The following PTCD1 variants were observed in gnomAD, a reference collection of about 807,000 sequenced individuals.
The protein encoded by PTCD1 is pentatricopeptide repeat domain 1.
A neutral mutation model predicts 53.4 loss-of-function variants in PTCD1; 50 were observed. The observed-to-expected ratio is 0.94, with a 90% CI of 0.75 to 1.19. PTCD1 has a LOEUF of 1.19. Ranked by LOEUF, PTCD1 falls within the 50% of genes most tolerant of loss-of-function variation. PTCD1 has a pLI of 0.00. For missense variants in PTCD1, 918 were observed against 904.8 expected, an observed-to-expected ratio of 1.01 and a Z score of -0.19; for synonymous variants, 413 against 394.8, an observed-to-expected ratio of 1.05 and a Z score of -0.55.
At chr7:99,421,444 A>AG (rs969073946) in intron 7 of PTCD1, among the ~76,000 whole-genome samples, 15 of 151,180 alleles carry the variant, frequency 9.9e-5, no homozygotes, top group African/African-American at 3.7e-4. Context: ...AAAAAAAAAA[A>AG]AAAGAAAAAA....
Position 99,419,896 on chromosome 7 carries a change from C to A in PTCD1, c.*71G>T. Reference sequence around the variant, plus strand: ...GGCTCTTCCCCCAGGCAGGAGGTGACACCAGCTCACTTGTCCTGGGGCTCC... The same window carrying A: ...GGCTCTTCCCCCAGGCAGGAGGTGAAACCAGCTCACTTGTCCTGGGGCTCC... On this transcript the variant is annotated 3_prime_UTR_variant, in exon 8 of 8. Transcript: ENST00000292478. 1 of 1,608,974 alleles carries A rather than the reference C, an allele frequency of 6.2e-7. No individual in the cohort carries two copies. Among genetic ancestry groups the A allele is most frequent in the South Asian group, 1.1e-5 (1 of 90,810 alleles).
At position 99,429,655 on chromosome 7, in the gene PTCD1, G is replaced by C; in HGVS notation, c.746C>G (p.Thr249Arg). 2.5e-6 allele frequency: 4 copies of C among 1,614,224 alleles called. No homozygotes were observed. Among genetic ancestry groups the C allele is most frequent in the African/African-American group, 2.7e-5 (2 of 75,056 alleles). The change falls in exon 4 of 8, where the codon ACA becomes AGA. Residue 249 changes from threonine (T) to arginine (R), a missense_variant. Coordinates refer to ENST00000292478, the MANE Select transcript of PTCD1 (RefSeq NM_015545.4). ...AGCCATCTTCAGCAGCGCGTGGTAT[G>C]TTTTCAAGTTGAGCTCGAAGTTTTT... ...QAKNFELNLK[T>R]YHALLKMAAK...
chr7:99,438,716 C>A lies in PTCD1; in HGVS notation c.-51G>T. The A allele has an allele frequency of 7.7e-7, 1 of 1,296,160 alleles. No individual in the cohort carries two copies. The highest frequency in any genetic ancestry group is 1.0e-6 in the Non-Finnish European group (1 of 996,596). 80.3% of individuals were successfully genotyped at this position (1,296,160 alleles called of 1,614,324 possible). On this transcript the variant is annotated 5_prime_UTR_variant, in exon 1 of 8. Coordinates refer to ENST00000292478, the MANE Select transcript of PTCD1 (RefSeq NM_015545.4). ...CTTGAAGTGTCCGGCGCAGTGCACTCCGACGGGGAGCCCTGCCCGGTCCCC... is the reference window on the plus strand; with the variant it reads ...CTTGAAGTGTCCGGCGCAGTGCACTACGACGGGGAGCCCTGCCCGGTCCCC...
At chr7:99,429,293 C>T (rs1796172384) in intron 4 of PTCD1, 89 bp from the exon 5 acceptor site, 5 of 1,514,680 alleles carry the variant, frequency 3.3e-6, no homozygotes, top group Non-Finnish European at 4.6e-6. Context: ...CATTGGGAGG[C>T]CAAGGCAGGA....
chr7:99,434,980 C>G lies in PTCD1; in HGVS notation c.263G>C (p.Ser88Thr). The change falls in exon 2 of 8, where the codon AGT (serine) becomes ACT (threonine). Residue 88 changes from serine to threonine, a missense_variant. Physicochemically the swap from Ser to Thr is moderately conservative, Grantham distance 58. Coordinates refer to ENST00000292478, the MANE Select transcript of PTCD1 (RefSeq NM_015545.4). ...GTATTTGTCAGAGAGGGTCCCAAAACTCTCCTCCTCCTCCTCGTCTTCTTC... is the reference window on the plus strand; with the variant it reads ...GTATTTGTCAGAGAGGGTCCCAAAAGTCTCCTCCTCCTCCTCGTCTTCTTC... The part of the protein sequence containing the change: ...TQEEDEEEEE[S>T]FGTLSDKYSS... 6.2e-7 allele frequency: 1 copy of G among 1,614,238 alleles called. No homozygotes were observed. The highest frequency in any genetic ancestry group is 8.5e-7 in the Non-Finnish European group (1 of 1,180,052).
In PTCD1 at chr7:99,425,581, C is replaced by T. The variant is rs1489654239; in HGVS notation, c.951G>A (p.Pro317=). 8 of 1,610,900 alleles carry T rather than the reference C, an allele frequency of 5.0e-6. No individual in the cohort carries two copies. Among genetic ancestry groups the T allele is most frequent in the Admixed American group, 3.3e-5 (2 of 59,888 alleles). The part of the protein sequence containing the change: ...WRLMLSLGLQ[P]SRDSYNLLLV... The stretch of plus-strand genomic sequence containing the variant: ...ACAGCAGGTTGTAGCTGTCCCGGCT[C>T]GGCTGTAGCCCTAGACTCAGCATCA... The change falls in exon 6 of 8, where the codon CCG becomes CCA. Residue 317 remains proline (P), a synonymous_variant. Transcript: ENST00000292478.
intron 7 of PTCD1, 105 bp from the exon 8 acceptor site, chr7:99,420,254 C>T: frequency 6.6e-7 from 1 of 1,524,190 alleles, no homozygotes; most frequent in East Asian, 2.3e-5. Flanking sequence ...TGCCATTTTC[C>T]CTTCCAGGTG....
Position 99,416,908 on chromosome 7 carries a change from ATGGGCCCT to A in PTCD1, c.*3051_*3058del. On this transcript the variant is annotated 3_prime_UTR_variant, in exon 8 of 8. Coordinates refer to ENST00000292478, the MANE Select transcript of PTCD1 (RefSeq NM_015545.4). ...GCTAATTTTTAAATTTTTTGTGGAG[ATGGGCCCT>A]TGGCCCAGGCTGGTTTCTTAACTCA... 1 of 161,160 alleles carries A rather than the reference ATGGGCCCT, an allele frequency of 6.2e-6. No homozygotes were observed. The highest frequency in any genetic ancestry group is 5.8e-5 in the Admixed American group (1 of 17,106). The allele number at this position is 161,160 out of a possible 1,614,324, so 10.0% of individuals were successfully genotyped here. A position where few individuals can be genotyped will look rare whatever the true frequency, so the allele number is the denominator to read the frequency against.
At chr7:99,424,077 TG>T (rs1360920261) in intron 6 of PTCD1, 120 bp from the exon 7 acceptor site, 14 of 1,387,008 alleles carry the variant, frequency 1.0e-5, no homozygotes, top group Non-Finnish European at 1.3e-5. Flanking sequence ...AAGGCAAACT[TG>T]GCAGCAACAA....
chr7:99,419,660 C>A lies in PTCD1; in HGVS notation c.*307G>T. ...CAGAGCATCGGCCTATGGAACCCGG[C>A]GGGGCGGCCCAGGCCCCAGGGACCA... is the stretch of plus-strand genomic sequence containing the variant. On this transcript the variant is annotated 3_prime_UTR_variant, in exon 8 of 8. Coordinates refer to ENST00000292478, the MANE Select transcript of PTCD1 (RefSeq NM_015545.4). 1 of 723,992 alleles carries A rather than the reference C, an allele frequency of 1.4e-6. No individual in the cohort carries two copies. The highest frequency in any genetic ancestry group is 2.2e-6 in the Non-Finnish European group (1 of 449,250). The allele number at this position is 723,992 out of a possible 1,614,324, so 44.8% of individuals were successfully genotyped here.
In PTCD1 at chr7:99,423,793, G is replaced by A; in HGVS notation, c.1902C>T (p.Tyr634=). The A allele has an allele frequency of 6.2e-7, 1 of 1,614,094 alleles. No homozygotes were observed. The change falls in exon 7 of 8, where the codon TAC becomes TAT. Residue 634 remains tyrosine (Y), a synonymous_variant. Transcript: ENST00000292478. The part of the protein sequence containing the change: ...VIRQLEFAAQ[Y]PPTFDRYQGK... Reference sequence around the variant, plus strand: ...CACACACCCGGTCAAAGGTGGGAGGGTACTGGGCTGCAAACTCCAGCTGGC... The same window carrying A: ...CACACACCCGGTCAAAGGTGGGAGGATACTGGGCTGCAAACTCCAGCTGGC...
Position 99,435,178 on chromosome 7 carries a change from T to C in PTCD1, c.65A>G (p.Gln22Arg), listed in dbSNP as rs140634486. ...CCTGGCTCTACAGGGGTCCAGGTGT[T>C]GCAGGATGAACAGTCCCATGGGGCG... ...RARPMGLFIL[Q>R]HLDPCRARWA... The change falls in exon 2 of 8, where the codon CAA becomes CGA. Residue 22 changes from glutamine (Q) to arginine (R), a missense_variant. Coordinates refer to ENST00000292478, the MANE Select transcript of PTCD1 (RefSeq NM_015545.4). 7.1e-4 allele frequency: 1,143 copies of C among 1,604,954 alleles called. 4 individuals are homozygous for C. The highest frequency in any genetic ancestry group is 1.4e-3 in the Admixed American group (81 of 59,976).
Position 99,417,927 on chromosome 7 carries a change from C to A in PTCD1, c.*2040G>T. On this transcript the variant is annotated 3_prime_UTR_variant, in exon 8 of 8. Coordinates refer to ENST00000292478, the MANE Select transcript of PTCD1 (RefSeq NM_015545.4). ...GGAAGGACAACCAGTGAGTTCCTGT[C>A]CCTTTCAGTCCTCACAGTGATACTT... 7.8e-7 allele frequency: 1 copy of A among 1,275,218 alleles called. No individual in the cohort carries two copies. Among genetic ancestry groups the A allele is most frequent in the South Asian group, 1.5e-5 (1 of 65,302 alleles). The allele number at this position is 1,275,218 out of a possible 1,614,324, so 79.0% of individuals were successfully genotyped here. A position where few individuals can be genotyped will look rare whatever the true frequency, so the allele number is the denominator to read the frequency against.
rs755950828 is a variant in PTCD1, at chr7:99,429,174, C to T, written c.844G>A (p.Glu282Lys). Reference sequence around the variant, plus strand: ...ATGAGCAGGAAACTGAAGGTCTCCTCTGTGACCACGTGCCCTTTGTGGATG... The same window carrying T: ...ATGAGCAGGAAACTGAAGGTCTCCTTTGTGACCACGTGCCCTTTGTGGATG... ...EIIHKGHVVT[E>K]ETFSFLLMGC... is the part of the protein sequence containing the mutation. Residue 282 changes from glutamate (E) to lysine (K), a missense_variant, in exon 5 of 8, where the codon GAG (glutamate) becomes AAG (lysine). By Grantham distance (56) the Glu-to-Lys change is moderately conservative. Transcript: ENST00000292478. The T allele has an allele frequency of 2.5e-6, 4 of 1,614,026 alleles. No homozygotes were observed. The South Asian group carries it at 4.4e-5, about 18-fold the overall frequency.
chr7:99,438,761 C>G lies in PTCD1; in HGVS notation c.-96G>C. 7.4e-7 allele frequency: 1 copy of G among 1,342,558 alleles called. No homozygotes were observed. The highest frequency in any genetic ancestry group is 9.8e-7 in the Non-Finnish European group (1 of 1,024,730). The allele number at this position is 1,342,558 out of a possible 1,614,324, so 83.2% of individuals were successfully genotyped here. On this transcript the variant is annotated 5_prime_UTR_variant, in exon 1 of 8. Transcript: ENST00000292478. ...GTCCCCGCGGCGAACCAGTCTCTTC[C>G]TCGGGTCCCCCTCTCCCCAAGCGCG...
Position 99,417,493 on chromosome 7 carries a change from G to C in PTCD1, c.*2474C>G. On this transcript the variant is annotated 3_prime_UTR_variant, in exon 8 of 8. Transcript: ENST00000292478. ...AAAACCTGATTGCAAAATGGAAAAA[G>C]CAAGGATATGAGAACTTGTGCTGCC... 6.2e-7 allele frequency: 1 copy of C among 1,611,610 alleles called. No individual in the cohort carries two copies. Among genetic ancestry groups the C allele is most frequent in the Non-Finnish European group, 8.5e-7 (1 of 1,178,562 alleles).
Position 99,433,278 on chromosome 7 carries a change from C to G in PTCD1, c.594G>C (p.Gln198His). 1.2e-6 allele frequency: 2 copies of G among 1,614,186 alleles called. No individual in the cohort carries two copies. The highest frequency in any genetic ancestry group is 1.7e-6 in the Non-Finnish European group (2 of 1,180,026). ...YLKKAFNLYN[Q>H]MKKRDLEPSD... is the part of the protein sequence containing the mutation. ...CCGGCTGCCCTGCGCCCACATGCAC[C>G]TGGTTGTAGAGGTTGAAGGCCTTCT... Residue 198 changes from glutamine (Q) to histidine (H), a missense_variant and splice_region_variant, in exon 3 of 8, where the codon CAG becomes CAC. Transcript: ENST00000292478.
chr7:99,422,908 C>T (rs1795879679), intron 7 of PTCD1, among the ~76,000 whole-genome samples: 1 of 152,216 alleles, frequency 6.6e-6, no homozygotes, highest in Middle Eastern at 3.4e-3. Flanking sequence ...TCAGACACCA[C>T]CTCCCCAAGC....
In PTCD1 at chr7:99,435,253, C is replaced by T; in HGVS notation, c.-11G>A. 6.2e-7 allele frequency: 1 copy of T among 1,600,970 alleles called. No homozygotes were observed. The highest frequency in any genetic ancestry group is 8.5e-7 in the Non-Finnish European group (1 of 1,179,962). ...TCTCACGAAGTCCATTTCTGGCTTTCCTGTCCCTCCAGGGCCTGGAATATA... is the reference window on the plus strand; with the variant it reads ...TCTCACGAAGTCCATTTCTGGCTTTTCTGTCCCTCCAGGGCCTGGAATATA... On this transcript the variant is annotated 5_prime_UTR_variant, in exon 2 of 8. Coordinates refer to ENST00000292478, the MANE Select transcript of PTCD1 (RefSeq NM_015545.4).
Sources: gnomAD v4.1 joint callset for allele counts (sites outside exome capture counted in the v4.1 genomes callset) on GRCh38, gnomAD v4.1.1 for gene constraint, MANE v1.5 for transcripts, NCBI Gene and HGNC (gene_info 2026-07-23, HGNC 2026-07-21) for gene names.